The following DYSF variants were observed in gnomAD, a reference collection of about 807,000 sequenced individuals.
The protein encoded by DYSF is dystrophy-associated fer-1-like 1.
Under a neutral mutation model 274.9 loss-of-function variants are expected in DYSF, and 212 were observed. The ratio of observed to expected loss-of-function variants is 0.77; its 90% confidence interval spans 0.69 to 0.86. DYSF has a LOEUF of 0.86. Ranked by LOEUF, DYSF falls within the 40% of genes least tolerant of loss-of-function variation. The pLI is 0.00. For synonymous variants in DYSF, 1,091 were observed against 1,078.7 expected (o/e 1.01, Z -0.22); for missense variants, 2,666 against 2,783.2 (o/e 0.96, Z 0.95).
intron 3 of DYSF, among the ~76,000 whole-genome samples, chr2:71,497,445 G>A (rs1358506792): frequency 6.6e-6 from 1 of 152,174 alleles, no homozygotes; most frequent in Admixed American, 6.5e-5. Context: ...GTTTTATAAA[G>A]TGGTTCCCAC....
chr2:71,650,162 G>A (rs953659398), intron 42 of DYSF, among the ~76,000 whole-genome samples: 1 of 152,152 alleles, frequency 6.6e-6, no homozygotes, highest in African/African-American at 2.4e-5. Context: ...CCTTCTCTCA[G>A]TTCATGTCAG....
intron 3 of DYSF, among the ~76,000 whole-genome samples, chr2:71,484,045 CTTTTTTTTTTTTTT>C (rs59780652): frequency 3.0e-5 from 2 of 67,548 alleles, no homozygotes; most frequent in Non-Finnish European, 5.0e-5. Context: ...GGAGATTTCC[CTTTTTTTTTTTTTT>C]TTTTTTTTTT....
intron 41 of DYSF, among the ~76,000 whole-genome samples, chr2:71,626,003 C>G (rs929981638): frequency 6.6e-6 from 1 of 151,976 alleles, no homozygotes; most frequent in African/African-American, 2.4e-5. Flanking sequence ...TATCCAGAAA[C>G]TTTGCTAAAC....
At chr2:71,521,936 A>G (rs781533759) in intron 12 of DYSF, among the ~76,000 whole-genome samples, 1 of 152,040 alleles carries the variant, frequency 6.6e-6, no homozygotes, top group Non-Finnish European at 1.5e-5. Flanking sequence ...CACAGCGATG[A>G]GTGGTGAGAG....
chr2:71,613,270 G>A (rs1336260323), intron 39 of DYSF, 64 bp from the exon 40 acceptor site: 1 of 1,483,456 alleles, frequency 6.7e-7, no homozygotes, highest in Non-Finnish European at 9.3e-7. Context: ...GAGCCCTGGG[G>A]CTGGTGAGGG....
At chr2:71,661,928 G>A (rs985869349) in intron 45 of DYSF, among the ~76,000 whole-genome samples, 1 of 152,166 alleles carries the variant, frequency 6.6e-6, no homozygotes, top group Admixed American at 6.5e-5. Flanking sequence ...GAGGAACTCT[G>A]TATGAGTTCC....
intron 51 of DYSF, 80 bp downstream of exon 51, chr2:71,669,826 T>G: frequency 6.3e-7 from 1 of 1,591,744 alleles, no homozygotes; most frequent in Non-Finnish European, 8.6e-7. Flanking sequence ...CGTCCCTGCC[T>G]GGCAACTGTC....
chr2:71,570,539 GGTCCCAGGAGAGATGGGGGGAACTGCCAA>G, intron 28 of DYSF, 31 bp from the exon 29 acceptor site: 1 of 1,601,040 alleles, frequency 6.2e-7, no homozygotes, highest in Non-Finnish European at 8.5e-7. Flanking sequence ...ATTCAGAGAT[GGTCCCAGGAGAGATGGGGGGAACTGCCAA>G]GCAATGAGTG....
chr2:71,509,244 C>A (rs975095461), intron 4 of DYSF, among the ~76,000 whole-genome samples: 1 of 152,108 alleles, frequency 6.6e-6, no homozygotes, highest in Non-Finnish European at 1.5e-5. Flanking sequence ...CTCACTGCAG[C>A]CTTGACCTCC....
intron 41 of DYSF, among the ~76,000 whole-genome samples, chr2:71,639,190 A>G (rs2094451433): frequency 2.0e-5 from 3 of 152,008 alleles, no homozygotes. Flanking sequence ...TCTTTTTATC[A>G]TTGAGTTGTG....
chr2:71,475,131 C>T (rs1422082044), intron 1 of DYSF, among the ~76,000 whole-genome samples: 1 of 152,164 alleles, frequency 6.6e-6, no homozygotes, highest in Non-Finnish European at 1.5e-5. Context: ...GGAGCCACAC[C>T]AATATGGGCC....
At chr2:71,484,516 A>G (rs557362568) in intron 3 of DYSF, among the ~76,000 whole-genome samples, 155 of 152,320 alleles carry the variant, frequency 1.0e-3, no homozygotes, top group Non-Finnish European at 1.3e-3. Context: ...TGTGTTAGCA[A>G]CATTTCAATT....
chr2:71,641,178 A>ATTTT (rs10683765), intron 41 of DYSF, among the ~76,000 whole-genome samples: 18 of 124,506 alleles, frequency 1.4e-4, no homozygotes, highest in African/African-American at 3.5e-4. Flanking sequence ...ATGTTTATCT[A>ATTTT]TTTTTTTTTT....
chr2:71,651,519 C>G (rs1321789825), intron 42 of DYSF, among the ~76,000 whole-genome samples: 1 of 152,102 alleles, frequency 6.6e-6, no homozygotes, highest in Non-Finnish European at 1.5e-5. Context: ...GGAAAATTAT[C>G]AAAGAATTAC....
At chr2:71,456,065 C>A (rs919648785) in intron 1 of DYSF, among the ~76,000 whole-genome samples, 10 of 151,900 alleles carry the variant, frequency 6.6e-5, no homozygotes, top group Non-Finnish European at 1.2e-4. Context: ...TGGAGCAGCT[C>A]CCCCCATCCT....
In DYSF at chr2:71,481,970, G is replaced by A; in HGVS notation, c.239G>A (p.Arg80Lys). The A allele has an allele frequency of 1.2e-6, 2 of 1,613,840 alleles. No individual in the cohort carries two copies. The highest frequency in any genetic ancestry group is 1.3e-5 in the African/African-American group (1 of 75,052). Residue 80 changes from arginine to lysine, a missense_variant and splice_region_variant, in exon 3 of 56, where the codon AGG becomes AAG. Physicochemically the swap from Arg to Lys is conservative, Grantham distance 26 (BLOSUM62 2). Around this residue, in one of 3 missense-constraint regions of DYSF, gnomAD observed 794 missense variants for 777.1 expected, o/e 1.02. Transcript: ENST00000410020. ...GACCATGAGACGATGGGGAGGAACA[G>A]GTAAGGTGGCCAGAGGGGGGTGCTC... Reference protein sequence around the residue: ...VKDHETMGRNRFLGEAKVPLR... With the variant: ...VKDHETMGRNKFLGEAKVPLR...
intron 24 of DYSF, among the ~76,000 whole-genome samples, chr2:71,565,161 G>T (rs1422167174): frequency 1.3e-5 from 2 of 151,572 alleles, no homozygotes; most frequent in Non-Finnish European, 2.9e-5. Flanking sequence ...ACTCACTGCA[G>T]CCTCCGCCTC....
rs746074541 is a variant in DYSF, at chr2:71,680,974, CT to C, written c.6064-26del. ...GCCACTGAGCAGAGCCTTCGTGCCC[CT>C]AACCAAGTGCTCTCTGTCCCCTCAG... On this transcript the variant is annotated intron_variant, in intron 53 of 55. Transcript: ENST00000410020. 7 of 1,610,398 alleles carry C rather than the reference CT, an allele frequency of 4.3e-6. No homozygotes were observed. The South Asian group carries it at 6.6e-5, about 15-fold the overall frequency.
intron 36 of DYSF, among the ~76,000 whole-genome samples, chr2:71,608,745 G>T (rs1045000878): frequency 7.0e-6 from 1 of 142,730 alleles, no homozygotes; most frequent in Non-Finnish European, 1.5e-5. Context: ...AGGGAGCCCC[G>T]AGGGACAGAC....
Sources: allele counts gnomAD v4.1 joint callset (sites outside exome capture counted in the v4.1 genomes callset), GRCh38; gene constraint gnomAD v4.1.1; regional missense constraint gnomAD v4.1.1; transcripts MANE v1.5; gene names NCBI Gene and HGNC (gene_info 2026-07-23, HGNC 2026-07-21).